The following RPTOR variants were observed in gnomAD, a reference collection of about 807,000 sequenced individuals.
RPTOR encodes the protein regulatory associated protein of MTOR complex 1.
In RPTOR, 21 loss-of-function variants were observed where a neutral mutation model predicts 169.9. The observed-to-expected ratio is 0.12, with a 90% CI of 0.09 to 0.18. The LOEUF (loss-of-function observed/expected upper bound fraction) is 0.18, where lower values mean the gene tolerates loss of function less well. RPTOR is among the 10% of genes least tolerant of loss of function. The pLI is 1.00. For synonymous variants in RPTOR, 732 were observed against 753.2 expected (o/e 0.97, Z 0.46); for missense variants, 1,133 against 1,855.9 (o/e 0.61, Z 7.16).
At chr17:80,930,329 A>AGCTCATCCTCAGCTCATCCTCTGCTCC (rs1303237080) in intron 24 of RPTOR, among the ~76,000 whole-genome samples, 1 of 59,874 alleles carries the variant, frequency 1.7e-5, no homozygotes, top group Non-Finnish European at 3.2e-5. Flanking sequence ...AGCTCAGCTC[A>AGCTCATCCTCAGCTCATCCTCTGCTCC]TCCTCAGCTC....
chr17:80,570,021 G>A lies in RPTOR; in HGVS notation c.162+24230G>A, dbSNP rs151089425. Among the ~76,000 whole-genome samples, 512 of 152,184 alleles carry A rather than the reference G, an allele frequency of 3.4e-3. 4 individuals carry two copies. In the Middle Eastern group the frequency reaches 0.041, roughly 12 times the overall value. ...GCAGGGACTCAAGGAGCCCAGCTCCGTTTCTGCCTCCTCCGTGTGGCTGTC... is the reference window on the plus strand; with the variant it reads ...GCAGGGACTCAAGGAGCCCAGCTCCATTTCTGCCTCCTCCGTGTGGCTGTC... On this transcript the variant is annotated intron_variant, in intron 1 of 33. Coordinates refer to ENST00000306801, the MANE Select transcript of RPTOR (RefSeq NM_020761.3).
At chr17:80,909,039 C>T (rs1469885915) in intron 21 of RPTOR, 110 bp downstream of exon 21, 13 of 751,778 alleles carry the variant, frequency 1.7e-5, no homozygotes, top group Non-Finnish European at 2.8e-5. Flanking sequence ...TAGAAAGTAA[C>T]AAAACGAGCT....
At chr17:80,741,191 A>G (rs1213463993) in intron 5 of RPTOR, among the ~76,000 whole-genome samples, 1 of 152,206 alleles carries the variant, frequency 6.6e-6, no homozygotes, top group Admixed American at 6.5e-5. Flanking sequence ...GCACTCTAGA[A>G]TAGCGCTTGG....
intron 1 of RPTOR, among the ~76,000 whole-genome samples, chr17:80,547,345 T>C (rs761138509): frequency 1.3e-5 from 2 of 152,156 alleles, no homozygotes. Flanking sequence ...AGTTTTTTTG[T>C]TGTTGTTATT....
At chr17:80,850,071 C>G (rs1018699479) in intron 11 of RPTOR, among the ~76,000 whole-genome samples, 13 of 152,120 alleles carry the variant, frequency 8.5e-5, no homozygotes, top group Non-Finnish European at 1.6e-4. Flanking sequence ...GGCCCTTTTT[C>G]TTTTCAATAG....
At chr17:80,583,927 G>A (rs1317201485) in intron 1 of RPTOR, among the ~76,000 whole-genome samples, 1 of 152,204 alleles carries the variant, frequency 6.6e-6, no homozygotes, top group East Asian at 1.9e-4. Flanking sequence ...GGCGGAGGGT[G>A]TCCCCCAGCT....
At chr17:80,554,642 G>A (rs559404077) in intron 1 of RPTOR, among the ~76,000 whole-genome samples, 45 of 152,130 alleles carry the variant, frequency 3.0e-4, no homozygotes, top group Non-Finnish European at 5.6e-4. Flanking sequence ...TACTTGGGAG[G>A]CTGAGGCAGG....
chr17:80,850,880 G>T (rs905142050), intron 11 of RPTOR, among the ~76,000 whole-genome samples: 7 of 152,334 alleles, frequency 4.6e-5, no homozygotes, highest in Middle Eastern at 3.4e-3. Context: ...TTATGAAGCA[G>T]CTCTTCCAGT....
At chr17:80,865,345 A>G (rs1380477785) in intron 13 of RPTOR, among the ~76,000 whole-genome samples, 1 of 152,222 alleles carries the variant, frequency 6.6e-6, no homozygotes, top group Non-Finnish European at 1.5e-5. Flanking sequence ...CGCCACAATG[A>G]GAAGGCAGAG....
In RPTOR at chr17:80,730,750, G is replaced by GGTGGGGGGGGGTGGTTTTT; in HGVS notation, c.654+44_654+45insGTGGGGGGGGGTGGTTTTT. ...GGAGAGCGGTGCTGGGTTTGGTTTTGTTTTCCCTGGGGGTGGGGTTTGGGT... is the reference window on the plus strand; with the variant it reads ...GGAGAGCGGTGCTGGGTTTGGTTTTGGTGGGGGGGGGTGGTTTTTTTTTCCCTGGGGGTGGGGTTTGGGT... On this transcript the variant is annotated intron_variant, in intron 5 of 33. Transcript: ENST00000306801. The surrounding 1 kb of genome is among the most constrained non-coding windows in gnomAD (Gnocchi z 4.2). 1.8e-6 allele frequency: 1 copy of GGTGGGGGGGGGTGGTTTTT among 551,048 alleles called. No individual in the cohort carries two copies. The allele number at this position is 551,048 out of a possible 1,614,324, so 34.1% of individuals were successfully genotyped here.
At position 80,823,641 on chromosome 17, in the gene RPTOR, TCACACACACA is replaced by T. The variant is rs3042670; in HGVS notation, c.1136+447_1136+456del. ...ATCAATTAGTTTTTATGCTTATTTCTCACACACACACACACACACACACACACACACACAC... is the reference window on the plus strand; with the variant it reads ...ATCAATTAGTTTTTATGCTTATTTCTCACACACACACACACACACACACAC... On this transcript the variant is annotated intron_variant, in intron 9 of 33. Transcript: ENST00000306801. The surrounding 1 kb of genome is among the most constrained non-coding windows in gnomAD (Gnocchi z 4.5). 0.14 allele frequency: 21,669 copies of T among 156,996 alleles called. 1,542 individuals carry two copies. The highest frequency in any genetic ancestry group is 0.17 in the Non-Finnish European group (12,188 of 71,488). The allele number at this position is 156,996 out of a possible 1,614,324, so 9.7% of individuals were successfully genotyped here. A position where few individuals can be genotyped will look rare whatever the true frequency, so the allele number is the denominator to read the frequency against.
At chr17:80,906,121 G>A (rs560675837) in intron 20 of RPTOR, among the ~76,000 whole-genome samples, 3 of 152,140 alleles carry the variant, frequency 2.0e-5, no homozygotes, top group South Asian at 2.1e-4. Flanking sequence ...AGGCGGTAGC[G>A]AACTTCGCCA....
intron 5 of RPTOR, among the ~76,000 whole-genome samples, chr17:80,747,004 G>C (rs942302948): frequency 2.0e-5 from 3 of 152,130 alleles, no homozygotes; most frequent in African/African-American, 7.2e-5. Context: ...GCTCACTTGA[G>C]GTCAGGAATT....
chr17:80,556,482 C>G (rs1180943799), intron 1 of RPTOR, among the ~76,000 whole-genome samples: 1 of 151,968 alleles, frequency 6.6e-6, no homozygotes, highest in Non-Finnish European at 1.5e-5. Context: ...CTGGTGCACT[C>G]CAGCCTGAGT....
At chr17:80,663,201 C>T (rs1190063908) in intron 3 of RPTOR, among the ~76,000 whole-genome samples, 1 of 152,214 alleles carries the variant, frequency 6.6e-6, no homozygotes, top group East Asian at 1.9e-4. Context: ...CCCTCCCTCT[C>T]CCACAGGTTC....
chr17:80,692,005 C>T (rs966890858), intron 3 of RPTOR, among the ~76,000 whole-genome samples: 7 of 152,372 alleles, frequency 4.6e-5, no homozygotes, highest in Admixed American at 1.3e-4. Flanking sequence ...AACACCAGCA[C>T]TGCCACTGAC....
intron 11 of RPTOR, among the ~76,000 whole-genome samples, chr17:80,847,690 TGA>T (rs2067747608): frequency 6.6e-6 from 1 of 152,220 alleles, no homozygotes; most frequent in African/African-American, 2.4e-5. Flanking sequence ...TGCTGAGTTC[TGA>T]GAGTCGGCAG....
At chr17:80,816,438 G>A (rs1166970810) in intron 7 of RPTOR, among the ~76,000 whole-genome samples, 1 of 152,240 alleles carries the variant, frequency 6.6e-6, no homozygotes, top group Non-Finnish European at 1.5e-5. Flanking sequence ...TGGAGAAGAT[G>A]GAGGCATTGC....
intron 7 of RPTOR, among the ~76,000 whole-genome samples, chr17:80,795,996 C>G (rs896631179): frequency 6.6e-6 from 1 of 152,190 alleles, no homozygotes; most frequent in Non-Finnish European, 1.5e-5. Flanking sequence ...AGCTGAGGCA[C>G]CTACGACTCC....
Sources: gnomAD v4.1 joint callset for allele counts (sites outside exome capture counted in the v4.1 genomes callset) on GRCh38, gnomAD v4.1.1 for gene constraint, Gnocchi (gnomAD v3.1) non-coding constraint, MANE v1.5 for transcripts, NCBI Gene and HGNC (gene_info 2026-07-23, HGNC 2026-07-21) for gene names.